NEK11: variants seen among roughly 807,000 people sequenced by gnomAD.
NEK11 encodes the protein serine/threonine-protein kinase Nek11.
NEK11 carries 72 observed loss-of-function variants against 80.7 expected under a neutral mutation model. The observed-to-expected ratio is 0.89, with a 90% confidence interval of 0.74 to 1.08. The LOEUF is 1.08. NEK11 is among the 50% of genes least tolerant of loss of function. NEK11 has a pLI of 0.00. For synonymous variants in NEK11, 251 were observed against 260.7 expected (o/e 0.96, Z 0.36); for missense variants, 764 against 763.6 (o/e 1.00, Z -0.01).
At chr3:131,290,579 G>C (rs1219817077) in intron 17 of NEK11, among the ~76,000 whole-genome samples, 14 of 152,152 alleles carry the variant, frequency 9.2e-5, no homozygotes, top group Non-Finnish European at 1.9e-4. Context: ...TTGTTGACTA[G>C]ACAATTGTCA....
At chr3:131,127,277 T>C (rs2083535537) in intron 5 of NEK11, among the ~76,000 whole-genome samples, 1 of 152,080 alleles carries the variant, frequency 6.6e-6, no homozygotes, top group African/African-American at 2.4e-5. Context: ...TTCTATGTTT[T>C]TAATCTTTTT....
intron 5 of NEK11, among the ~76,000 whole-genome samples, chr3:131,128,949 C>T (rs1042627476): frequency 5.9e-5 from 9 of 151,832 alleles, no homozygotes; most frequent in African/African-American, 2.2e-4. Flanking sequence ...TTTTGTATAT[C>T]ATCTTTGGTT....
chr3:131,170,820 T>C lies in NEK11; in HGVS notation c.1332T>C (p.Ile444=). 1 of 1,614,180 alleles carries C rather than the reference T, an allele frequency of 6.2e-7. No individual in the cohort carries two copies. Residue 444 remains isoleucine, a synonymous_variant, in exon 14 of 18, where the codon ATT becomes ATC. Transcript: ENST00000383366. ...AGAACCTGCCTGAGTCTCAGCCTAT[T>C]CCTTCCATGGACCTCCACGAACTTG... ...TLENLPESQP[I]PSMDLHELES...
intron 17 of NEK11, among the ~76,000 whole-genome samples, chr3:131,292,380 T>C (rs1170117729): frequency 6.6e-6 from 1 of 152,254 alleles, no homozygotes; most frequent in Non-Finnish European, 1.5e-5. Flanking sequence ...TTTTCAATTG[T>C]GTTGACTATT....
At chr3:131,246,414 G>C (rs181155242) in intron 16 of NEK11, among the ~76,000 whole-genome samples, 2 of 152,274 alleles carry the variant, frequency 1.3e-5, no homozygotes, top group East Asian at 1.9e-4. Context: ...CATCCAGGTT[G>C]CTGCAAATGC....
chr3:131,060,082 T>C (rs1037805869), intron 3 of NEK11, among the ~76,000 whole-genome samples: 3 of 152,226 alleles, frequency 2.0e-5, no homozygotes, highest in African/African-American at 7.2e-5. Flanking sequence ...GCACAGGTAC[T>C]ATGCCAATTC....
chr3:131,072,736 T>C (rs1025551800), intron 3 of NEK11, among the ~76,000 whole-genome samples: 4 of 152,056 alleles, frequency 2.6e-5, no homozygotes, highest in African/African-American at 9.7e-5. Context: ...ATGAAGGGAA[T>C]CCACTCATAT....
At chr3:131,096,963 C>G (rs1262448488) in intron 4 of NEK11, among the ~76,000 whole-genome samples, 1 of 146,784 alleles carries the variant, frequency 6.8e-6, no homozygotes, top group Non-Finnish European at 1.5e-5. Flanking sequence ...TCAATTCCCA[C>G]CTATGAGTGA....
chr3:131,145,918 A>G (rs2088117987), intron 7 of NEK11, among the ~76,000 whole-genome samples: 1 of 152,192 alleles, frequency 6.6e-6, no homozygotes, highest in South Asian at 2.1e-4. Flanking sequence ...CCTGGCTCAT[A>G]GTAAACACTA....
chr3:131,340,486 T>C (rs2097267643), intron 17 of NEK11, among the ~76,000 whole-genome samples: 1 of 152,184 alleles, frequency 6.6e-6, no homozygotes, highest in African/African-American at 2.4e-5. Flanking sequence ...TAAAATGTAT[T>C]TTTTTATAAA....
At chr3:131,180,098 A>G (rs771859573) in intron 14 of NEK11, among the ~76,000 whole-genome samples, 3 of 152,154 alleles carry the variant, frequency 2.0e-5, no homozygotes, top group African/African-American at 2.4e-5. Flanking sequence ...TTGGCTTTCA[A>G]TGTTCCCACA....
chr3:131,146,052 A>G (rs1464383564), intron 7 of NEK11, among the ~76,000 whole-genome samples: 1 of 152,074 alleles, frequency 6.6e-6, no homozygotes, highest in Admixed American at 6.6e-5. Context: ...GTTCTGGATC[A>G]GGGGTTGTTG....
intron 17 of NEK11, among the ~76,000 whole-genome samples, chr3:131,308,829 A>G (rs965742754): frequency 1.3e-5 from 2 of 149,720 alleles, no homozygotes; most frequent in East Asian, 4.0e-4. Context: ...GTGGAAGACA[A>G]TTTTTCCAAG....
chr3:131,232,193 A>C (rs929221831), intron 15 of NEK11, among the ~76,000 whole-genome samples: 1 of 152,216 alleles, frequency 6.6e-6, no homozygotes, highest in African/African-American at 2.4e-5. Flanking sequence ...TGGAGCCAGC[A>C]TCTTAGATCT....
At chr3:131,164,696 T>A (rs1219474771) in intron 11 of NEK11, among the ~76,000 whole-genome samples, 1 of 152,220 alleles carries the variant, frequency 6.6e-6, no homozygotes, top group Non-Finnish European at 1.5e-5. Context: ...TTAAATAAAG[T>A]TTGGTCTTGA....
intron 14 of NEK11, among the ~76,000 whole-genome samples, chr3:131,172,516 G>A (rs751120364): frequency 2.0e-4 from 31 of 152,214 alleles, no homozygotes; most frequent in Non-Finnish European, 4.1e-4. Flanking sequence ...TGCTATGGAA[G>A]CCATCTTGTA....
intron 3 of NEK11, among the ~76,000 whole-genome samples, chr3:131,041,973 G>A (rs993094520): frequency 3.3e-5 from 5 of 152,262 alleles, no homozygotes; most frequent in African/African-American, 9.6e-5. Flanking sequence ...AGGGTGGGGC[G>A]TCACCTCACC....
intron 4 of NEK11, among the ~76,000 whole-genome samples, chr3:131,087,066 A>G (rs781399230): frequency 6.6e-6 from 1 of 152,130 alleles, no homozygotes; most frequent in Non-Finnish European, 1.5e-5. Context: ...TTCTCCTAGT[A>G]GATTTTCAAT....
chr3:131,059,563 A>G (rs553365207), intron 3 of NEK11, among the ~76,000 whole-genome samples: 1 of 152,362 alleles, frequency 6.6e-6, no homozygotes, highest in African/African-American at 2.4e-5. Context: ...TGTGCATTTA[A>G]TTATTCCATA....
Sources: allele counts gnomAD v4.1 joint callset (sites outside exome capture counted in the v4.1 genomes callset), GRCh38; gene constraint gnomAD v4.1.1; transcripts MANE v1.5; gene names NCBI Gene and HGNC (gene_info 2026-07-23, HGNC 2026-07-21).